CMTR1: variants seen among roughly 807,000 people sequenced by gnomAD.
The protein encoded by CMTR1 is cap methyltransferase 1.
Under a neutral mutation model 107.0 loss-of-function variants are expected in CMTR1, and 39 were observed. That is an observed-to-expected ratio of 0.36 (90% CI 0.28 to 0.48). The LOEUF is 0.48. CMTR1 is among the 20% of genes least tolerant of loss of function. The pLI, the probability that CMTR1 is intolerant of heterozygous loss-of-function variation, is 0.99. For synonymous variants in CMTR1, 366 were observed against 379.5 expected (o/e 0.96, Z 0.41); for missense variants, 672 against 1,064.9 (o/e 0.63, Z 5.14).
upstream of CMTR1, among the ~76,000 whole-genome samples, chr6:37,432,736 T>G (rs960438767): frequency 5.3e-5 from 8 of 152,088 alleles, no homozygotes; most frequent in South Asian, 1.7e-3. Context: ...GGCCTGAAAA[T>G]CAGAAGAGAG....
intron 4 of CMTR1, among the ~76,000 whole-genome samples, chr6:37,447,349 T>C (rs9380673): frequency 0.4 from 60,990 of 152,038 alleles, 15,135 homozygotes; most frequent in Middle Eastern, 0.6. Context: ...GGCTCATGGG[T>C]TCTGGGGCCG....
chr6:37,437,676 A>G (rs57024179), intron 2 of CMTR1, among the ~76,000 whole-genome samples: 6,349 of 152,220 alleles, frequency 0.042, 419 homozygotes, highest in African/African-American at 0.14. Context: ...TTCCTGAGTA[A>G]GAAGGCAAAA....
At chr6:37,471,973 C>T in intron 15 of CMTR1, 69 bp downstream of exon 15, 1 of 1,417,794 alleles carries the variant, frequency 7.1e-7, no homozygotes, top group Non-Finnish European at 9.8e-7. Flanking sequence ...GGTTGACTCC[C>T]AATCCTGTCA....
intron 17 of CMTR1, 49 bp downstream of exon 17, chr6:37,473,650 C>T (rs759015785): frequency 1.1e-5 from 17 of 1,591,834 alleles, no homozygotes. Context: ...TGGATTTGCC[C>T]TTTGCGGAAT....
chr6:37,459,526 T>C, intron 9 of CMTR1, 40 bp from the exon 10 acceptor site: 2 of 1,549,004 alleles, frequency 1.3e-6, no homozygotes, highest in South Asian at 1.1e-5. Context: ...CTGACATGTA[T>C]AGGGCAGATG....
intron 21 of CMTR1, among the ~76,000 whole-genome samples, chr6:37,477,901 T>TTACGATGGGCCC (rs1007327658): frequency 2.6e-5 from 4 of 152,198 alleles, no homozygotes; most frequent in African/African-American, 9.6e-5. Context: ...GCTGTCATAG[T>TTACGATGGGCCC]TACGATGGGC....
intron 4 of CMTR1, among the ~76,000 whole-genome samples, chr6:37,448,432 G>A (rs766566725): frequency 1.3e-5 from 2 of 152,102 alleles, no homozygotes; most frequent in Non-Finnish European, 2.9e-5. Context: ...GGGACATTGA[G>A]TCTGCTTTTT....
chr6:37,479,234 C>T lies in CMTR1; in HGVS notation c.2354C>T (p.Ala785Val). The part of the protein sequence containing the change: ...KTKDSTFDLP[A>V]DSIAPFHICY... ...AAGGACTCTACTTTTGACCTCCCTG[C>T]AGACTCCATTGCCCCATTTCAGTAA... The change falls in exon 23 of 24, where the codon GCA becomes GTA. Residue 785 changes from alanine to valine, a missense_variant. Ala to Val is a moderately conservative substitution (Grantham distance 64, BLOSUM62 0). Transcript: ENST00000373451. 5 of 1,612,400 alleles carry T rather than the reference C, an allele frequency of 3.1e-6. No homozygotes were observed. The highest frequency in any genetic ancestry group is 4.2e-6 in the Non-Finnish European group (5 of 1,178,398).
At chr6:37,424,409 A>ATT in the CMTR1 span, among the ~76,000 whole-genome samples, 2 of 144,084 alleles carry the variant, frequency 1.4e-5, no homozygotes, top group African/African-American at 2.5e-5. Context: ...CGCCTGGTTA[A>ATT]TTTTTTTTTT....
intron 13 of CMTR1, among the ~76,000 whole-genome samples, chr6:37,465,425 T>C (rs1761487950): frequency 6.6e-6 from 1 of 152,244 alleles, no homozygotes; most frequent in African/African-American, 2.4e-5. Flanking sequence ...TAGTGTTACA[T>C]CATTGTGGTT....
intron 2 of CMTR1, chr6:37,436,443 A>G (rs1439535306): frequency 2.6e-5 from 4 of 152,206 alleles, no homozygotes; most frequent in African/African-American, 9.6e-5. Flanking sequence ...ACTGTAACAA[A>G]TTACTACAAA....
At position 37,437,035 on chromosome 6, in the gene CMTR1, C is replaced by T. The variant is rs151265754; in HGVS notation, c.133+1273C>T. On this transcript the variant is annotated intron_variant, in intron 2 of 23. Transcript: ENST00000373451. ...GAGAGAAGCTTGACAGGTGGTACAG[C>T]GAATGGAGCATCGGTGTCGCTGTAG... Among the ~76,000 whole-genome samples, 638 of 152,162 alleles carry T rather than the reference C, an allele frequency of 4.2e-3. 5 individuals carry two copies. The highest frequency in any genetic ancestry group is 0.013 in the African/African-American group (560 of 41,512).
chr6:37,470,736 G>A (rs1021929458), intron 13 of CMTR1, among the ~76,000 whole-genome samples: 3 of 152,214 alleles, frequency 2.0e-5, no homozygotes. Flanking sequence ...GGCTTTGAAT[G>A]AGCTCACCAC....
chr6:37,445,696 T>C (rs1270079852), intron 3 of CMTR1, among the ~76,000 whole-genome samples: 1 of 152,028 alleles, frequency 6.6e-6, no homozygotes, highest in Non-Finnish European at 1.5e-5. Context: ...TGTTTCACCG[T>C]GTTAGCCAGG....
intron 20 of CMTR1, among the ~76,000 whole-genome samples, chr6:37,476,721 C>T (rs966028852): frequency 7.2e-5 from 11 of 152,206 alleles, no homozygotes; most frequent in African/African-American, 2.2e-4. Context: ...GGAGGACACA[C>T]TTTTCCAGGG....
chr6:37,445,144 A>G (rs1281399255), intron 3 of CMTR1, among the ~76,000 whole-genome samples: 2 of 152,218 alleles, frequency 1.3e-5, no homozygotes, highest in Non-Finnish European at 2.9e-5. Context: ...TTTGCAGGCT[A>G]TAAGATTTGG....
chr6:37,448,227 A>AAG (rs1771848799), intron 4 of CMTR1, among the ~76,000 whole-genome samples: 1 of 151,390 alleles, frequency 6.6e-6, no homozygotes, highest in South Asian at 2.1e-4. Context: ...AAAAAAAAAA[A>AAG]AAAGAGGTCA....
At chr6:37,468,056 G>GT (rs1046431719) in intron 13 of CMTR1, among the ~76,000 whole-genome samples, 1 of 145,408 alleles carries the variant, frequency 6.9e-6, no homozygotes, top group Non-Finnish European at 1.5e-5. Context: ...CTGTTTTGTG[G>GT]GGGGGGGGAC....
intron 1 of CMTR1, 128 bp from the exon 2 acceptor site, chr6:37,435,496 T>G (rs759784916): frequency 2.8e-5 from 27 of 960,254 alleles, no homozygotes; most frequent in Non-Finnish European, 3.6e-5. Context: ...GCTATTCAAG[T>G]GCTGGCACTG....
Sources: allele counts gnomAD v4.1 joint callset (sites outside exome capture counted in the v4.1 genomes callset), GRCh38; gene constraint gnomAD v4.1.1; transcripts MANE v1.5; gene names NCBI Gene and HGNC (gene_info 2026-07-23, HGNC 2026-07-21).